FZD3: variants seen among roughly 807,000 people sequenced by gnomAD.
FZD3 encodes frizzled-3.
Under a neutral mutation model 60.7 loss-of-function variants are expected in FZD3, and 30 were observed. The observed-to-expected ratio is 0.49, with a 90% CI of 0.37 to 0.67. The LOEUF is 0.67. FZD3 is among the 30% of genes least tolerant of loss of function. The pLI is 0.00. For missense variants in FZD3, 605 were observed against 838.7 expected, an observed-to-expected ratio of 0.72 and a Z score of 3.44; for synonymous variants, 246 against 275.2, an observed-to-expected ratio of 0.89 and a Z score of 1.05.
At chr8:28,535,372 A>G (rs1286133148) in intron 5 of FZD3, among the ~76,000 whole-genome samples, 1 of 152,226 alleles carries the variant, frequency 6.6e-6, no homozygotes, top group African/African-American at 2.4e-5. Flanking sequence ...TACATCTGTT[A>G]TAATTGGCTA....
chr8:28,558,415 AT>A (rs1805551650), intron 7 of FZD3, among the ~76,000 whole-genome samples: 1 of 145,340 alleles, frequency 6.9e-6, no homozygotes. Flanking sequence ...TCCTTTCTTT[AT>A]TTCTTTCTTT....
chr8:28,555,704 G>A (rs1232605208), intron 6 of FZD3, 34 bp from the exon 7 acceptor site: 1 of 1,148,770 alleles, frequency 8.7e-7, no homozygotes, highest in Non-Finnish European at 1.3e-6. Context: ...AGGAAGATTG[G>A]TATGTATCTT....
rs1455247547 is a variant in FZD3 at position 28,527,166 on chromosome 8, C to T, written c.406C>T (p.Pro136Ser). 5 of 1,611,524 alleles carry T rather than the reference C, an allele frequency of 3.1e-6. No homozygotes were observed. The highest frequency in any genetic ancestry group is 4.2e-6 in the Non-Finnish European group (5 of 1,179,164). Residue 136 changes from proline to serine, a missense_variant, in exon 5 of 8, where the codon CCA (proline) becomes TCA (serine). Coordinates refer to ENST00000240093, the MANE Select transcript of FZD3 (RefSeq NM_017412.4). This position sits in a 1 kb window ranked among gnomAD's most constrained non-coding sequence, Gnocchi z 5.0. ...TTTTAGGTTCCCAGATTGTGATGAG[C>T]CATATCCTCGACTTGTGGATCTGAA... Reference protein sequence around the residue: ...ECSRFPDCDEPYPRLVDLNLA... With the variant: ...ECSRFPDCDESYPRLVDLNLA...
At position 28,566,262 on chromosome 8, in the gene FZD3, A is replaced by G. The variant is rs185969555; in HGVS notation, c.*3251A>G. ...ATATGTAAAGTACACCAAATGAAAC[A>G]TATTTTGCATAGATAACAGTCCATA... On this transcript the variant is annotated 3_prime_UTR_variant, in exon 8 of 8. Coordinates refer to ENST00000240093, the MANE Select transcript of FZD3 (RefSeq NM_017412.4). 1 of 152,314 alleles carries G rather than the reference A, an allele frequency of 6.6e-6. No homozygotes were observed. The highest frequency in any genetic ancestry group is 6.5e-5 in the Admixed American group (1 of 15,296). The allele number at this position is 152,314 out of a possible 1,614,324, so 9.4% of individuals were successfully genotyped here.
intron 1 of FZD3, among the ~76,000 whole-genome samples, chr8:28,495,547 C>G (rs937828909): frequency 6.6e-6 from 1 of 152,194 alleles, no homozygotes; most frequent in Non-Finnish European, 1.5e-5. Flanking sequence ...CCCTCACCCT[C>G]CTTTAGTCCT....
chr8:28,508,489 A>G (rs899244207), intron 3 of FZD3, among the ~76,000 whole-genome samples: 8 of 148,486 alleles, frequency 5.4e-5, no homozygotes, highest in Non-Finnish European at 1.0e-4. Context: ...CTTGCGATTC[A>G]AGTAATATTG....
chr8:28,547,863 T>A (rs1038989675), intron 5 of FZD3, among the ~76,000 whole-genome samples: 6 of 151,860 alleles, frequency 4.0e-5, no homozygotes, highest in Non-Finnish European at 8.8e-5. Flanking sequence ...TCTCTTTTTT[T>A]TTTTTTTGAG....
At chr8:28,501,704 CT>C (rs1563379595) in intron 2 of FZD3, among the ~76,000 whole-genome samples, 1 of 152,172 alleles carries the variant, frequency 6.6e-6, no homozygotes, top group Non-Finnish European at 1.5e-5. Context: ...ATTTTTGCCC[CT>C]GGAAAAGTAC....
At chr8:28,510,416 C>T (rs990351578) in intron 3 of FZD3, among the ~76,000 whole-genome samples, 10 of 152,178 alleles carry the variant, frequency 6.6e-5, no homozygotes, top group Admixed American at 3.9e-4. Context: ...TGCATTCCCA[C>T]TAGTAATGTG....
In FZD3 at chr8:28,572,742, G is replaced by A. The variant is rs1805828720; in HGVS notation, c.*9731G>A. 6.6e-6 allele frequency: 1 copy of A among 152,060 alleles called. No homozygotes were observed. The highest frequency in any genetic ancestry group is 2.4e-5 in the African/African-American group (1 of 41,396). 9.4% of individuals were successfully genotyped at this position (152,060 alleles called of 1,614,324 possible). ...ATTCTAAATTAATGAATACTGCTAT[G>A]TGGTGTAGTAAACAAATTTGCCATA... On this transcript the variant is annotated 3_prime_UTR_variant, in exon 8 of 8. Transcript: ENST00000240093.
chr8:28,542,954 T>G (rs1805206258), intron 5 of FZD3, among the ~76,000 whole-genome samples: 1 of 152,222 alleles, frequency 6.6e-6, no homozygotes, highest in South Asian at 2.1e-4. Context: ...TGATTGCATC[T>G]GTAAACAAAG....
At position 28,555,972 on chromosome 8, in the gene FZD3, G is replaced by C; in HGVS notation, c.1787+1G>C. On this transcript the variant is annotated splice_donor_variant, in intron 7 of 7. Transcript: ENST00000240093. LOFTEE classifies it high-confidence loss of function. Reference sequence around the variant, plus strand: ...GCCTCCACAGATCACGTGATGGCAGGTGAGTTTTGTTAGTAGTGTAGTTTA... The same window carrying C: ...GCCTCCACAGATCACGTGATGGCAGCTGAGTTTTGTTAGTAGTGTAGTTTA... 1 of 1,583,834 alleles carries C rather than the reference G, an allele frequency of 6.3e-7. No homozygotes were observed. The highest frequency in any genetic ancestry group is 8.7e-7 in the Non-Finnish European group (1 of 1,153,326).
intron 6 of FZD3, among the ~76,000 whole-genome samples, chr8:28,552,848 A>G (rs923522760): frequency 3.3e-5 from 5 of 152,200 alleles, no homozygotes; most frequent in African/African-American, 1.2e-4. Context: ...CCAACAATGG[A>G]TCAAAAATAT....
chr8:28,534,133 G>C (rs1462005635), intron 5 of FZD3, among the ~76,000 whole-genome samples: 2 of 152,144 alleles, frequency 1.3e-5, no homozygotes, highest in Non-Finnish European at 2.9e-5. Flanking sequence ...ATTAGCTTAA[G>C]GATCAGCAAA....
chr8:28,547,383 T>C (rs1415751313), intron 5 of FZD3, among the ~76,000 whole-genome samples: 1 of 152,234 alleles, frequency 6.6e-6, no homozygotes, highest in Non-Finnish European at 1.5e-5. Context: ...ACATACATCA[T>C]TTCACATATA....
Position 28,527,126 on chromosome 8 carries a change from T to G in FZD3, c.387-21T>G, listed in dbSNP as rs1274537821. 6.3e-7 allele frequency: 1 copy of G among 1,580,004 alleles called. No individual in the cohort carries two copies. The highest frequency in any genetic ancestry group is 1.4e-5 in the African/African-American group (1 of 73,136). ...ATTTCCCCATAAGTAAAAATAGTTC[T>G]CATCTTGTTTTGTTTTTTAGGTTCC... On this transcript the variant is annotated intron_variant, in intron 4 of 7. Coordinates refer to ENST00000240093, the MANE Select transcript of FZD3 (RefSeq NM_017412.4). The surrounding 1 kb of genome is among the most constrained non-coding windows in gnomAD (Gnocchi z 5.0).
chr8:28,508,387 T>A (rs1264664332), intron 3 of FZD3, among the ~76,000 whole-genome samples: 1 of 151,670 alleles, frequency 6.6e-6, no homozygotes, highest in Admixed American at 6.6e-5. Flanking sequence ...TGATACTAAG[T>A]CATTTTTAGG....
At chr8:28,541,041 G>T (rs1464904261) in intron 5 of FZD3, among the ~76,000 whole-genome samples, 1 of 152,042 alleles carries the variant, frequency 6.6e-6, no homozygotes, top group Non-Finnish European at 1.5e-5. Context: ...TCTTTAGTAG[G>T]CTTTGCCTTT....
At chr8:28,542,130 A>G (rs368617798) in intron 5 of FZD3, among the ~76,000 whole-genome samples, 10 of 138,730 alleles carry the variant, frequency 7.2e-5, no homozygotes, top group African/African-American at 2.4e-4. Context: ...CTGCAGTGCC[A>G]TATATGACTG....
Sources: gnomAD v4.1 joint callset for allele counts (sites outside exome capture counted in the v4.1 genomes callset) on GRCh38, gnomAD v4.1.1 for gene constraint, Gnocchi (gnomAD v3.1) non-coding constraint, MANE v1.5 for transcripts, NCBI Gene and HGNC (gene_info 2026-07-23, HGNC 2026-07-21) for gene names.